Variants in RMST observed in about 807,000 individuals in gnomAD.
RMST encodes the protein long intergenic non-protein coding RNA 54.
At chr12:97,562,667 C>T (rs753898994) in intron 13 of RMST, among the ~76,000 whole-genome samples, 40 of 152,202 alleles carry the variant, frequency 2.6e-4, no homozygotes, top group Admixed American at 1.6e-3. Context: ...AAAAGTGCAA[C>T]CTGAGATTAA....
At chr12:97,489,793 G>C (rs1565921335) in intron 5 of RMST, among the ~76,000 whole-genome samples, 1 of 152,176 alleles carries the variant, frequency 6.6e-6, no homozygotes, top group Non-Finnish European at 1.5e-5. Context: ...TCAAATGCTT[G>C]ATATGTGTCA....
chr12:97,475,783 T>C (rs1874489137), intron 5 of RMST, among the ~76,000 whole-genome samples: 1 of 152,148 alleles, frequency 6.6e-6, no homozygotes, highest in South Asian at 2.1e-4. Context: ...AGAATTTGTT[T>C]TTAGGAAAGG....
At chr12:97,548,841 T>C (rs1416017690) in intron 11 of RMST, among the ~76,000 whole-genome samples, 1 of 152,092 alleles carries the variant, frequency 6.6e-6, no homozygotes, top group African/African-American at 2.4e-5. Context: ...AGAAAACATA[T>C]TTTGATCACA....
rs966918157 is a variant in RMST, at chr12:97,546,603, A to C, written n.1546-13934A>C. 7.2e-5 allele frequency among the ~76,000 whole-genome samples: 11 copies of C among 152,236 alleles called. No individual in the cohort carries two copies. In the East Asian group the frequency reaches 1.7e-3, roughly 24 times the overall value. On this transcript the variant is annotated intron_variant and non_coding_transcript_variant, in intron 11 of 13. Coordinates refer to ENST00000640149, the Ensembl canonical transcript of RMST. ...TCTTGTAAGAAAATAATAATAAAAA[A>C]ATCAAGGAAATGTTGATGCCAAAGT...
intron 10 of RMST, among the ~76,000 whole-genome samples, chr12:97,504,642 G>A (rs1565925673): frequency 6.6e-6 from 1 of 152,030 alleles, no homozygotes; most frequent in Admixed American, 6.5e-5. Context: ...CAATAAAGAG[G>A]GATTCTGAGA....
intron 5 of RMST, among the ~76,000 whole-genome samples, chr12:97,472,034 A>G (rs540987120): frequency 6.6e-6 from 1 of 152,210 alleles, no homozygotes; most frequent in South Asian, 2.1e-4. Flanking sequence ...TTTTTTAAAA[A>G]GCTCCTGGAG....
chr12:97,550,379 T>C (rs937864393), intron 11 of RMST, among the ~76,000 whole-genome samples: 11 of 152,052 alleles, frequency 7.2e-5, no homozygotes, highest in Non-Finnish European at 1.0e-4. Flanking sequence ...CCAACAAGAC[T>C]GAAACTCTGT....
chr12:97,469,101 T>C (rs1440310851), intron 5 of RMST, among the ~76,000 whole-genome samples: 2 of 151,372 alleles, frequency 1.3e-5, no homozygotes, highest in African/African-American at 4.9e-5. Context: ...TATACCAATT[T>C]AGTAAAAGGG....
At chr12:97,479,133 CTT>C (rs386377507) in intron 5 of RMST, among the ~76,000 whole-genome samples, 20 of 69,042 alleles carry the variant, frequency 2.9e-4, no homozygotes, top group East Asian at 4.6e-4. Context: ...CTTGTCTTTG[CTT>C]TTTTTTTTTT....
chr12:97,511,007 A>C (rs1308287617), intron 10 of RMST, among the ~76,000 whole-genome samples: 1 of 152,180 alleles, frequency 6.6e-6, no homozygotes, highest in African/African-American at 2.4e-5. Context: ...CACAGTTACG[A>C]AAATCCAAAA....
chr12:97,518,066 C>T (rs1880124873), intron 10 of RMST, among the ~76,000 whole-genome samples: 1 of 151,996 alleles, frequency 6.6e-6, no homozygotes, highest in Non-Finnish European at 1.5e-5. Context: ...TTTTATTTCT[C>T]TGAATGGTTA....
chr12:97,564,787 A>G (rs939780619), exon 14 of RMST: 1 of 152,196 alleles, frequency 6.6e-6, no homozygotes. Context: ...TTTGAGAAAG[A>G]AAAGACTGCT....
intron 11 of RMST, among the ~76,000 whole-genome samples, chr12:97,558,008 G>A (rs903537893): frequency 1.3e-5 from 2 of 152,148 alleles, no homozygotes; most frequent in Non-Finnish European, 2.9e-5. Flanking sequence ...GGAAAGGAAT[G>A]AAACAATCTA....
intron 10 of RMST, among the ~76,000 whole-genome samples, chr12:97,498,823 G>A (rs1049943841): frequency 2.6e-5 from 4 of 152,152 alleles, no homozygotes; most frequent in Non-Finnish European, 4.4e-5. Flanking sequence ...CGAAGATCTA[G>A]ATGACTGAGA....
intron 5 of RMST, among the ~76,000 whole-genome samples, chr12:97,473,957 T>G (rs1417137785): frequency 6.6e-6 from 1 of 152,112 alleles, no homozygotes; most frequent in Non-Finnish European, 1.5e-5. Context: ...GGAGTTTGTG[T>G]TTTGTAGATG....
chr12:97,551,412 A>G (rs1883303138), intron 11 of RMST, among the ~76,000 whole-genome samples: 2 of 152,190 alleles, frequency 1.3e-5, no homozygotes, highest in South Asian at 2.1e-4. Flanking sequence ...TTCTGTTTAA[A>G]GGAGGAAAGG....
chr12:97,548,784 T>C (rs887266033), intron 11 of RMST, among the ~76,000 whole-genome samples: 1 of 152,140 alleles, frequency 6.6e-6, no homozygotes, highest in Non-Finnish European at 1.5e-5. Context: ...AATAAGATCA[T>C]GTCTGTAAAC....
At chr12:97,510,830 C>T (rs1414299332) in intron 10 of RMST, among the ~76,000 whole-genome samples, 1 of 151,860 alleles carries the variant, frequency 6.6e-6, no homozygotes, top group Non-Finnish European at 1.5e-5. Flanking sequence ...CCAATAAAGT[C>T]GATAGGCTGA....
intron 5 of RMST, among the ~76,000 whole-genome samples, chr12:97,486,089 C>G (rs945233008): frequency 4.6e-5 from 7 of 152,084 alleles, no homozygotes; most frequent in African/African-American, 1.7e-4. Flanking sequence ...GAGTAGGACC[C>G]TTTGTAATAG....
Sources: gnomAD v4.1 joint callset for allele counts (sites outside exome capture counted in the v4.1 genomes callset) on GRCh38, gnomAD v4.1.1 for gene constraint, MANE v1.5 for transcripts, NCBI Gene and HGNC (gene_info 2026-07-23, HGNC 2026-07-21) for gene names.